KHDRBS2: variants seen among roughly 807,000 people sequenced by gnomAD.
KHDRBS2 encodes the protein KH RNA binding domain containing, signal transduction associated 2, also known as KH domain-containing, RNA-binding, signal transduction-associated protein 2.
A neutral mutation model predicts 44.3 loss-of-function variants in KHDRBS2; 26 were observed. That is an observed-to-expected ratio of 0.59 (90% CI 0.43 to 0.81). The LOEUF is 0.81. Among genes scored for constraint, KHDRBS2 ranks in the 40% least tolerant of loss-of-function variants. KHDRBS2 has a pLI of 0.00. For synonymous variants in KHDRBS2, 194 were observed against 151.1 expected, an observed-to-expected ratio of 1.28 and a Z score of -2.08; for missense variants, 476 against 433.1, an observed-to-expected ratio of 1.10 and a Z score of -0.88.
intron 5 of KHDRBS2, among the ~76,000 whole-genome samples, chr6:61,895,048 CTA>C (rs1802696102): frequency 6.7e-6 from 1 of 149,794 alleles, no homozygotes; most frequent in Non-Finnish European, 1.5e-5. Flanking sequence ...TAAACACTGA[CTA>C]TGATTAGTTC....
At chr6:61,607,049 G>C in the KHDRBS2 span, among the ~76,000 whole-genome samples, 2 of 152,028 alleles carry the variant, frequency 1.3e-5, no homozygotes, top group Non-Finnish European at 2.9e-5. Flanking sequence ...TGACAAAATA[G>C]AGTAATATAG....
intron 1 of KHDRBS2, among the ~76,000 whole-genome samples, chr6:62,188,601 G>A (rs1823941444): frequency 6.6e-6 from 1 of 152,138 alleles, no homozygotes; most frequent in Non-Finnish European, 1.5e-5. Context: ...TTAAGTATGG[G>A]AAATAAATGC....
chr6:62,273,978 C>G (rs987554700), intron 1 of KHDRBS2, among the ~76,000 whole-genome samples: 24 of 152,086 alleles, frequency 1.6e-4, no homozygotes, highest in African/African-American at 5.1e-4. Flanking sequence ...CTCTGTCACC[C>G]AGGCTGGAGT....
intron 1 of KHDRBS2, among the ~76,000 whole-genome samples, chr6:62,192,824 G>A (rs1196136736): frequency 2.0e-5 from 3 of 152,088 alleles, no homozygotes; most frequent in Admixed American, 1.3e-4. Flanking sequence ...AGAAGGTGAT[G>A]CAACACTGGT....
chr6:61,811,059 C>G (rs1410728387), intron 6 of KHDRBS2, among the ~76,000 whole-genome samples: 3 of 152,076 alleles, frequency 2.0e-5, no homozygotes, highest in Admixed American at 1.3e-4. Flanking sequence ...TCCTGTCACT[C>G]AAGATAGTGA....
intron 3 of KHDRBS2, among the ~76,000 whole-genome samples, chr6:62,020,227 G>A (rs1050585862): frequency 4.0e-5 from 6 of 151,758 alleles, no homozygotes; most frequent in African/African-American, 1.5e-4. Context: ...TTTTCCAGAG[G>A]TATTATTTTT....
the KHDRBS2 span, among the ~76,000 whole-genome samples, chr6:61,640,596 A>G: frequency 1.3e-5 from 2 of 152,034 alleles, no homozygotes; most frequent in African/African-American, 2.4e-5. Context: ...GTTACTCATA[A>G]CTGTCTGGCT....
the KHDRBS2 span, among the ~76,000 whole-genome samples, chr6:61,593,718 C>T: frequency 6.6e-6 from 1 of 152,038 alleles, no homozygotes; most frequent in South Asian, 2.1e-4. Context: ...CTTCTAAAGG[C>T]TTAGGAGCCA....
intron 8 of KHDRBS2, among the ~76,000 whole-genome samples, chr6:61,690,217 C>A (rs987195867): frequency 6.6e-6 from 1 of 151,840 alleles, no homozygotes; most frequent in Non-Finnish European, 1.5e-5. Context: ...AGCTGGCATA[C>A]TTCCAAGTGG....
the KHDRBS2 span, among the ~76,000 whole-genome samples, chr6:61,586,236 T>G: frequency 1.3e-5 from 2 of 152,212 alleles, no homozygotes; most frequent in East Asian, 3.8e-4. Flanking sequence ...TGCTTTGATT[T>G]AAGATACAGC....
chr6:61,965,989 T>C lies in KHDRBS2; in HGVS notation c.483+12077A>G, dbSNP rs186608968. The stretch of plus-strand genomic sequence containing the variant: ...TAAGAAGTTTAGGGTCAATCAGCAA[T>C]AGACAGAAAAGCCTCCTATTATTCA... On this transcript the variant is annotated intron_variant, in intron 4 of 8. Transcript: ENST00000281156. Among the ~76,000 whole-genome samples the C allele has an allele frequency of 3.2e-3, 486 of 152,142 alleles. 2 individuals carry two copies. The highest frequency in any genetic ancestry group is 4.7e-3 in the Non-Finnish European group (317 of 67,966).
the KHDRBS2 span, among the ~76,000 whole-genome samples, chr6:61,656,508 A>ACG: frequency 6.6e-6 from 1 of 152,154 alleles, no homozygotes; most frequent in East Asian, 1.9e-4. Flanking sequence ...ATCCCTAATT[A>ACG]CAGAGACGTA....
At chr6:62,280,575 C>T (rs149492647) in intron 1 of KHDRBS2, among the ~76,000 whole-genome samples, 163 of 152,004 alleles carry the variant, frequency 1.1e-3, no homozygotes, top group African/African-American at 3.4e-3. Context: ...GAAGCCAAAC[C>T]GAATAATTCT....
chr6:62,115,666 C>A (rs1007344034), intron 2 of KHDRBS2, among the ~76,000 whole-genome samples: 6 of 152,142 alleles, frequency 3.9e-5, no homozygotes, highest in Admixed American at 1.3e-4. Context: ...AGAGACTATT[C>A]TTTTTCTAAT....
chr6:62,146,315 A>G (rs1813919672), intron 2 of KHDRBS2, among the ~76,000 whole-genome samples: 1 of 151,930 alleles, frequency 6.6e-6, no homozygotes, highest in African/African-American at 2.4e-5. Flanking sequence ...AAGGTGGCAT[A>G]CGATCCAAGG....
At chr6:62,265,048 A>G (rs1838963775) in intron 1 of KHDRBS2, among the ~76,000 whole-genome samples, 1 of 151,922 alleles carries the variant, frequency 6.6e-6, no homozygotes, top group African/African-American at 2.4e-5. Flanking sequence ...ATCACAGGAA[A>G]TTTGCATTTT....
the KHDRBS2 span, among the ~76,000 whole-genome samples, chr6:61,603,238 T>G: frequency 6.6e-6 from 1 of 152,186 alleles, no homozygotes; most frequent in African/African-American, 2.4e-5. Flanking sequence ...TAGTTCAGGA[T>G]CTGTGCCTTA....
chr6:62,176,763 G>A (rs1262086881), intron 2 of KHDRBS2, among the ~76,000 whole-genome samples: 3 of 151,160 alleles, frequency 2.0e-5, no homozygotes, highest in African/African-American at 7.3e-5. Flanking sequence ...TAACCACCAT[G>A]TGACTTTCTT....
intron 6 of KHDRBS2, among the ~76,000 whole-genome samples, chr6:61,799,170 T>C (rs1785853507): frequency 6.6e-6 from 1 of 151,986 alleles, no homozygotes; most frequent in African/African-American, 2.4e-5. Context: ...ATTATGCTTT[T>C]TTAAAAAACA....
Sources: gnomAD v4.1 joint callset for allele counts (sites outside exome capture counted in the v4.1 genomes callset) on GRCh38, gnomAD v4.1.1 for gene constraint, MANE v1.5 for transcripts, NCBI Gene and HGNC (gene_info 2026-07-23, HGNC 2026-07-21) for gene names.